Variants in PRDM2 observed in about 807,000 individuals in gnomAD.
The protein encoded by PRDM2 is PR/SET domain 2, also known as PR domain zinc finger protein 2.
PRDM2 carries 30 observed loss-of-function variants against 130.0 expected under a neutral mutation model. The ratio of observed to expected loss-of-function variants is 0.23; its 90% CI spans 0.17 to 0.31. The LOEUF is 0.31. Ranked by LOEUF, PRDM2 falls within the 10% of genes least tolerant of loss-of-function variation. The pLI is 1.00. For synonymous variants in PRDM2, 871 were observed against 782.4 expected (o/e 1.11, Z -1.89); for missense variants, 2,011 against 2,108.4 (o/e 0.95, Z 0.90).
At chr1:13,700,543 C>T (rs1442015552) in intron 1 of PRDM2, among the ~76,000 whole-genome samples, 1 of 151,136 alleles carries the variant, frequency 6.6e-6, no homozygotes, top group Non-Finnish European at 1.5e-5. Flanking sequence ...CCTTGTCGGC[C>T]GTGGGGTCCC....
chr1:13,746,705 C>T (rs1196581273), intron 5 of PRDM2, among the ~76,000 whole-genome samples: 1 of 152,108 alleles, frequency 6.6e-6, no homozygotes. Context: ...TACAGGCACA[C>T]ACCACCATGC....
intron 8 of PRDM2, among the ~76,000 whole-genome samples, chr1:13,797,416 G>C (rs1401355879): frequency 1.3e-5 from 2 of 152,214 alleles, no homozygotes; most frequent in Non-Finnish European, 2.9e-5. Flanking sequence ...ACTGGTGTCA[G>C]ATATTGTAGT....
At chr1:13,818,050 G>A (rs1348293304) in intron 9 of PRDM2, among the ~76,000 whole-genome samples, 1 of 152,212 alleles carries the variant, frequency 6.6e-6, no homozygotes, top group East Asian at 1.9e-4. Context: ...GGGTTAATGG[G>A]AGGGAGGGGA....
In PRDM2 at chr1:13,803,185, A is replaced by G. The variant is rs1028315398; in HGVS notation, c.5037-13242A>G. ...GACCTTGTCCCCTGGTTTGGGCGGG[A>G]CCTTGGCAATGAGAGAAACCGTATA... On this transcript the variant is annotated intron_variant, in intron 8 of 9. Transcript: ENST00000311066. This position sits in a 1 kb window ranked among gnomAD's most constrained non-coding sequence, Gnocchi z 6.2. 3.3e-5 allele frequency among the ~76,000 whole-genome samples: 5 copies of G among 152,184 alleles called. No individual in the cohort carries two copies. The highest frequency in any genetic ancestry group is 1.2e-4 in the African/African-American group (5 of 41,442).
At chr1:13,738,769 T>C (rs1643347932) in intron 4 of PRDM2, 1 of 152,208 alleles carries the variant, frequency 6.6e-6, no homozygotes, top group Non-Finnish European at 1.5e-5. Flanking sequence ...AAGAAGTCTC[T>C]GATCTCCTAA....
At chr1:13,711,205 C>A (rs1425190249) in intron 1 of PRDM2, among the ~76,000 whole-genome samples, 1 of 152,092 alleles carries the variant, frequency 6.6e-6, no homozygotes, top group African/African-American at 2.4e-5. Flanking sequence ...TTTGATAAAA[C>A]CTTGGCCTGG....
At chr1:13,816,757 A>G (rs972876231) in intron 9 of PRDM2, among the ~76,000 whole-genome samples, 187 bp downstream of exon 9, 16 of 152,282 alleles carry the variant, frequency 1.1e-4, no homozygotes, top group African/African-American at 3.6e-4. Context: ...CACTTGTTTC[A>G]CATCCCAGCT....
chr1:13,788,161 C>T, intron 8 of PRDM2: 7 of 903,042 alleles, frequency 7.8e-6, no homozygotes, highest in Non-Finnish European at 9.3e-6. Context: ...TGTTCAGAGC[C>T]CGCACTCTAA....
In PRDM2 at chr1:13,771,018, A is replaced by G. The variant is rs953705740; in HGVS notation, c.512-2060A>G. On this transcript the variant is annotated intron_variant, in intron 6 of 9. Transcript: ENST00000311066. The surrounding 1 kb of genome is among the most constrained non-coding windows in gnomAD (Gnocchi z 4.1). ...CATCACACACAGGCAGAACTAGCTT[A>G]TGTCATAAGCATAAGAAAACTGATG... is the stretch of plus-strand genomic sequence containing the variant. 6.6e-6 allele frequency among the ~76,000 whole-genome samples: 1 copy of G among 152,222 alleles called. No homozygotes were observed. The highest frequency in any genetic ancestry group is 1.5e-5 in the Non-Finnish European group (1 of 68,036).
chr1:13,750,690 A>G (rs1643802346), intron 6 of PRDM2, among the ~76,000 whole-genome samples: 2 of 152,012 alleles, frequency 1.3e-5, no homozygotes, highest in Non-Finnish European at 2.9e-5. Flanking sequence ...TGCATTGTCT[A>G]TTTATTGAAT....
In PRDM2 at chr1:13,806,775, A is replaced by T. The variant is rs1163970480; in HGVS notation, c.5037-9652A>T. On this transcript the variant is annotated intron_variant, in intron 8 of 9. Transcript: ENST00000311066. The surrounding 1 kb of genome is among the most constrained non-coding windows in gnomAD (Gnocchi z 4.1). Reference sequence around the variant, plus strand: ...CACAGCAGCCACTTTGGGTCATGATATTCCTCTGCCCAGAAGGACAACTGA... The same window carrying T: ...CACAGCAGCCACTTTGGGTCATGATTTTCCTCTGCCCAGAAGGACAACTGA... Among the ~76,000 whole-genome samples the T allele has an allele frequency of 6.6e-6, 1 of 152,168 alleles. No individual in the cohort carries two copies. The highest frequency in any genetic ancestry group is 2.4e-5 in the African/African-American group (1 of 41,518).
chr1:13,738,442 G>A (rs566899298), intron 4 of PRDM2, among the ~76,000 whole-genome samples: 6 of 152,312 alleles, frequency 3.9e-5, no homozygotes, highest in East Asian at 1.9e-4. Flanking sequence ...CTGTGAACCA[G>A]TCAACATTTG....
intron 8 of PRDM2, among the ~76,000 whole-genome samples, chr1:13,790,980 G>A (rs1188879422): frequency 6.6e-6 from 1 of 152,168 alleles, no homozygotes; most frequent in Non-Finnish European, 1.5e-5. Flanking sequence ...GACAGCCTGA[G>A]GTTGGTGTCA....
chr1:13,736,359 C>T (rs749345581), intron 4 of PRDM2, among the ~76,000 whole-genome samples: 5 of 152,016 alleles, frequency 3.3e-5, no homozygotes, highest in Non-Finnish European at 5.9e-5. Context: ...TGGGCTCAAG[C>T]GATCTGCCCG....
intron 8 of PRDM2, among the ~76,000 whole-genome samples, chr1:13,801,199 C>T (rs1262227897): frequency 2.0e-5 from 3 of 152,178 alleles, no homozygotes; most frequent in African/African-American, 7.2e-5. Context: ...AGGGTTCAGG[C>T]CAGGGCCCTT....
chr1:13,770,579 T>A lies in PRDM2; in HGVS notation c.512-2499T>A, dbSNP rs886499613. Among the ~76,000 whole-genome samples, 4 of 152,092 alleles carry A rather than the reference T, an allele frequency of 2.6e-5. 1 individual carries two copies. The highest frequency in any genetic ancestry group is 7.2e-5 in the African/African-American group (3 of 41,396). Reference sequence around the variant, plus strand: ...AATTGACATCGGTTTTTCTATTAAATTTTACACTGTGGCCCTTCTTTAAAT... The same window carrying A: ...AATTGACATCGGTTTTTCTATTAAAATTTACACTGTGGCCCTTCTTTAAAT... On this transcript the variant is annotated intron_variant, in intron 6 of 9. Transcript: ENST00000311066.
chr1:13,749,721 C>T (rs1396996693), intron 6 of PRDM2, among the ~76,000 whole-genome samples: 2 of 151,916 alleles, frequency 1.3e-5, no homozygotes, highest in African/African-American at 2.4e-5. Context: ...GACCCGGCCC[C>T]GCTGCTGAAT....
chr1:13,802,126 CG>C (rs1414134833), intron 8 of PRDM2, among the ~76,000 whole-genome samples: 1 of 152,220 alleles, frequency 6.6e-6, no homozygotes, highest in Non-Finnish European at 1.5e-5. Context: ...TATTCAACCC[CG>C]GACCCTGGGC....
chr1:13,750,102 C>A (rs1439669953), intron 6 of PRDM2, among the ~76,000 whole-genome samples: 1 of 152,166 alleles, frequency 6.6e-6, no homozygotes, highest in Non-Finnish European at 1.5e-5. Context: ...GTTGTTTTGT[C>A]GTTTTGACTC....
Sources: allele counts gnomAD v4.1 joint callset (sites outside exome capture counted in the v4.1 genomes callset), GRCh38; gene constraint gnomAD v4.1.1; non-coding constraint Gnocchi (gnomAD v3.1); transcripts MANE v1.5; gene names NCBI Gene and HGNC (gene_info 2026-07-23, HGNC 2026-07-21).